STING1: variants seen among roughly 807,000 people sequenced by gnomAD.
STING1 encodes the protein stimulator of interferon genes protein.
A neutral mutation model predicts 31.6 loss-of-function variants in STING1; 19 were observed. The ratio of observed to expected loss-of-function variants is 0.60; its 90% CI spans 0.42 to 0.88. The LOEUF (loss-of-function observed/expected upper bound fraction) is 0.88, where lower values mean the gene tolerates loss of function less well. STING1 is among the 40% of genes least tolerant of loss of function. The pLI, the probability that STING1 is intolerant of heterozygous loss-of-function variation, is 0.00. For missense variants in STING1, 371 were observed against 483.7 expected (o/e 0.77, Z 2.19); for synonymous variants, 200 against 208.6 (o/e 0.96, Z 0.35).
At chr5:139,476,778 G>A (rs951616245) in intron 7 of STING1, among the ~76,000 whole-genome samples, 5 of 151,856 alleles carry the variant, frequency 3.3e-5, no homozygotes, top group South Asian at 2.1e-4. Flanking sequence ...GGTGGCGGGC[G>A]CCTGTAGTCC....
chr5:139,481,053 G>C lies in STING1; in HGVS notation c.411+106C>G. 1 of 1,281,590 alleles carries C rather than the reference G, an allele frequency of 7.8e-7. No homozygotes were observed. The highest frequency in any genetic ancestry group is 1.1e-6 in the Non-Finnish European group (1 of 886,050). 79.4% of individuals were successfully genotyped at this position (1,281,590 alleles called of 1,614,324 possible). A position where few individuals can be genotyped will look rare whatever the true frequency, so the allele number is the denominator to read the frequency against. On this transcript the variant is annotated intron_variant, in intron 4 of 7. Coordinates refer to ENST00000330794, the MANE Select transcript of STING1 (RefSeq NM_198282.4). This position sits in a 1 kb window ranked among gnomAD's most constrained non-coding sequence, Gnocchi z 4.1. ...AGGACATTATAGGTTCTACTCCATG[G>C]ACTCCAGCCTTTAAACCAGTCCCAC... is the stretch of plus-strand genomic sequence containing the variant.
In STING1 at chr5:139,477,321, C is replaced by T; in HGVS notation, c.946+8G>A. ...GCCTATCAACCCCTCACCCTACCAACCCCTCACCCTGGTAGGCAATGAGGC... is the reference window on the plus strand; with the variant it reads ...GCCTATCAACCCCTCACCCTACCAATCCCTCACCCTGGTAGGCAATGAGGC... On this transcript the variant is annotated splice_region_variant and intron_variant, in intron 7 of 7. Transcript: ENST00000330794. 1 of 1,612,898 alleles carries T rather than the reference C, an allele frequency of 6.2e-7. No homozygotes were observed. The highest frequency in any genetic ancestry group is 8.5e-7 in the Non-Finnish European group (1 of 1,179,640).
Position 139,481,166 on chromosome 5 carries a change from C to T in STING1, c.404G>A (p.Gly135Asp). The T allele has an allele frequency of 6.2e-7, 1 of 1,614,184 alleles. No homozygotes were observed. Among genetic ancestry groups the T allele is most frequent in the Non-Finnish European group, 8.5e-7 (1 of 1,180,018 alleles). Reference sequence around the variant, plus strand: ...CCTCCCCCTGTGTCATACCTTGAGGCCCAGGAGGATGTTCAGTGCCTGCGA... The same window carrying T: ...CCTCCCCCTGTGTCATACCTTGAGGTCCAGGAGGATGTTCAGTGCCTGCGA... Reference protein sequence around the residue: ...GLSQALNILLGLKGLAPAEIS... With the variant: ...GLSQALNILLDLKGLAPAEIS... Residue 135 changes from glycine to aspartate, a missense_variant, in exon 4 of 8, where the codon GGC becomes GAC. Physicochemically the swap from Gly to Asp is moderately conservative, Grantham distance 94. Transcript: ENST00000330794. The surrounding 1 kb of genome is among the most constrained non-coding windows in gnomAD (Gnocchi z 4.1).
intron 6 of STING1, among the ~76,000 whole-genome samples, chr5:139,477,790 TGTC>T (rs1394461761): frequency 6.6e-6 from 1 of 152,198 alleles, no homozygotes; most frequent in Admixed American, 6.5e-5. Flanking sequence ...GACCCGAGGC[TGTC>T]AACTGCTCCA....
At position 139,477,392 on chromosome 5, in the gene STING1, G is replaced by T; in HGVS notation, c.883C>A (p.Leu295Ile). The T allele has an allele frequency of 6.2e-7, 1 of 1,614,234 alleles. No homozygotes were observed. The highest frequency in any genetic ancestry group is 8.5e-7 in the Non-Finnish European group (1 of 1,180,042). Residue 295 changes from leucine to isoleucine, a missense_variant, in exon 7 of 8, where the codon CTT becomes ATT. By Grantham distance (5) the Leu-to-Ile change is conservative. Transcript: ENST00000330794. ...GGGGCATCTGCCAGGATGTCCTCAA[G>T]TGTCCGGCAGAAGAGTTTGGCCTGC... ...LEQAKLFCRT[L>I]EDILADAPES...
At chr5:139,477,111 GCC>G (rs1751685243) in intron 7 of STING1, among the ~76,000 whole-genome samples, 1 of 152,042 alleles carries the variant, frequency 6.6e-6, no homozygotes, top group Admixed American at 6.6e-5. Context: ...GAAGTGAGAG[GCC>G]CCTAGAACCC....
rs372800554 is a variant in STING1 at position 139,481,748 on chromosome 5, C to T, written c.1-44G>A. 1.5e-5 allele frequency: 22 copies of T among 1,498,268 alleles called. No individual in the cohort carries two copies. Among genetic ancestry groups the T allele is most frequent in the East Asian group, 2.4e-5 (1 of 42,258 alleles). 92.8% of individuals were successfully genotyped at this position (1,498,268 alleles called of 1,614,324 possible). ...CCATGACCATTCTCCCCTTGCCCTCCTGCCCTTCTGGGACTGAGGCTCTGG... is the reference window on the plus strand; with the variant it reads ...CCATGACCATTCTCCCCTTGCCCTCTTGCCCTTCTGGGACTGAGGCTCTGG... On this transcript the variant is annotated intron_variant, in intron 2 of 7. Transcript: ENST00000330794. The surrounding 1 kb of genome is among the most constrained non-coding windows in gnomAD (Gnocchi z 4.1).
At chr5:139,476,566 C>T (rs1047324237) in intron 7 of STING1, 112 bp from the exon 8 acceptor site, 2 of 943,990 alleles carry the variant, frequency 2.1e-6, no homozygotes, top group Admixed American at 2.6e-5. Flanking sequence ...CCCCTTCCTA[C>T]CCAAGCCCCA....
intron 5 of STING1, chr5:139,479,044 C>T (rs1751750410): frequency 6.5e-6 from 1 of 153,746 alleles, no homozygotes; most frequent in African/African-American, 2.4e-5. Context: ...GCCTGGGCAA[C>T]ATGGTGAAAC....
rs185552744 is a variant in STING1 at position 139,476,540 on chromosome 5, C to T, written c.947-86G>A. 4.1e-3 allele frequency: 4,937 copies of T among 1,202,896 alleles called. 298 individuals are homozygous for T. The Admixed American group carries it at 0.099, about 24-fold the overall frequency. The allele number at this position is 1,202,896 out of a possible 1,614,324, so 74.5% of individuals were successfully genotyped here. A position where few individuals can be genotyped will look rare whatever the true frequency, so the allele number is the denominator to read the frequency against. ...CCTAGAGAACTTGCTGGGAAGATCC[C>T]CTAACCCTCCCTACCCCCCTTCCTA... On this transcript the variant is annotated intron_variant, in intron 7 of 7. Transcript: ENST00000330794.
At position 139,476,145 on chromosome 5, in the gene STING1, C is replaced by T. The variant is rs1443655442; in HGVS notation, c.*116G>A. On this transcript the variant is annotated 3_prime_UTR_variant, in exon 8 of 8. Transcript: ENST00000330794. Reference sequence around the variant, plus strand: ...TTAAGATGTCAAGTCCTGGACCCTTCCCTGCAAGGCCCCCTGTGGAAGGAA... The same window carrying T: ...TTAAGATGTCAAGTCCTGGACCCTTTCCTGCAAGGCCCCCTGTGGAAGGAA... 3 of 811,458 alleles carry T rather than the reference C, an allele frequency of 3.7e-6. No homozygotes were observed. The East Asian group carries it at 8.0e-5, about 22-fold the overall frequency. The allele number at this position is 811,458 out of a possible 1,614,324, so 50.3% of individuals were successfully genotyped here.
In STING1 at chr5:139,477,512, C is replaced by T. The variant is rs368419459; in HGVS notation, c.763G>A (p.Gly255Ser). ...GTGGCGTACTCCAGGACACAGGTGC[C>T]CGCCTAGAGGAGGTAAGAGGAAGAC... The part of the protein sequence containing the change: ...YELLENGQRA[G>S]TCVLEYATPL... Residue 255 changes from glycine to serine, a missense_variant, in exon 7 of 8, where the codon GGC (glycine) becomes AGC (serine). Transcript: ENST00000330794. The T allele has an allele frequency of 7.0e-5, 113 of 1,613,410 alleles. No individual in the cohort carries two copies. In the East Asian group the frequency reaches 2.4e-3, roughly 34 times the overall value.
At chr5:139,482,476 G>C (rs1372156978) in intron 1 of STING1, 74 bp downstream of exon 1, 5 of 152,124 alleles carry the variant, frequency 3.3e-5, no homozygotes, top group Admixed American at 3.3e-4. Context: ...CTGGGGTCAG[G>C]GGTGAGGTTT....
chr5:139,481,718 G>T lies in STING1; in HGVS notation c.1-14C>A, dbSNP rs1226887026. The T allele has an allele frequency of 1.3e-6, 2 of 1,588,150 alleles. No individual in the cohort carries two copies. Among genetic ancestry groups the T allele is most frequent in the African/African-American group, 2.7e-5 (2 of 74,424 alleles). ...GGAGTGGGGCATCTGTGGGCACCAA[G>T]AAATCCATGACCATTCTCCCCTTGC... On this transcript the variant is annotated splice_polypyrimidine_tract_variant and intron_variant, in intron 2 of 7. Transcript: ENST00000330794. The surrounding 1 kb of genome is among the most constrained non-coding windows in gnomAD (Gnocchi z 4.1).
chr5:139,476,379 A>T lies in STING1; in HGVS notation c.1022T>A (p.Val341Asp). The change falls in exon 8 of 8, where the codon GTT becomes GAT. Residue 341 changes from valine to aspartate, a missense_variant. Physicochemically the swap from Val to Asp is radical, Grantham distance 152 (BLOSUM62 -3). Transcript: ENST00000330794. ...RHLRQEEKEE[V>D]TVGSLKTSAV... is the part of the protein sequence containing the mutation. ...TGAGGTCTTCAAGCTGCCCACAGTA[A>T]CCTCTTCCTTTTCCTCCTGCCGCAG... The T allele has an allele frequency of 6.2e-7, 1 of 1,612,524 alleles. No homozygotes were observed. The highest frequency in any genetic ancestry group is 8.5e-7 in the Non-Finnish European group (1 of 1,179,966).
In STING1 at chr5:139,478,291, C is replaced by T; in HGVS notation, c.738G>A (p.Glu246=). The change falls in exon 6 of 8, where the codon GAG becomes GAA. Residue 246 remains glutamate (E), a synonymous_variant. Coordinates refer to ENST00000330794, the MANE Select transcript of STING1 (RefSeq NM_198282.4). The part of the protein sequence containing the change: ...KDRVYSNSIY[E]LLENGQRAGT... ...TTACCCGCTGCCCGTTCTCCAGAAG[C>T]TCATAGATGCTGTTGCTGTAAACCC... is the stretch of plus-strand genomic sequence containing the variant. The T allele has an allele frequency of 6.2e-7, 1 of 1,613,908 alleles. No homozygotes were observed.
chr5:139,476,107 G>T lies in STING1; in HGVS notation c.*154C>A. The T allele has an allele frequency of 1.6e-6, 1 of 614,492 alleles. No homozygotes were observed. The highest frequency in any genetic ancestry group is 2.9e-6 in the Non-Finnish European group (1 of 348,614). 38.1% of individuals were successfully genotyped at this position (614,492 alleles called of 1,614,324 possible). A position where few individuals can be genotyped will look rare whatever the true frequency, so the allele number is the denominator to read the frequency against. ...AGAGGGGAAATGACTGGCCCAAGGG[G>T]ACAAGACGCATCTTAAGATGTCAAG... On this transcript the variant is annotated 3_prime_UTR_variant, in exon 8 of 8. Transcript: ENST00000330794.
chr5:139,478,570 T>A, intron 5 of STING1, 62 bp from the exon 6 acceptor site: 1 of 1,449,398 alleles, frequency 6.9e-7, no homozygotes, highest in Non-Finnish European at 9.6e-7. Flanking sequence ...GATTCAGGAG[T>A]GAGACCCAGG....
intron 6 of STING1, 37 bp downstream of exon 6, chr5:139,478,233 C>A (rs781142772): frequency 6.6e-7 from 1 of 1,514,148 alleles, no homozygotes; most frequent in East Asian, 2.3e-5. Flanking sequence ...GGGGTCCTGA[C>A]CCCTCCTCAG....
Sources: allele counts gnomAD v4.1 joint callset (sites outside exome capture counted in the v4.1 genomes callset), GRCh38; gene constraint gnomAD v4.1.1; non-coding constraint Gnocchi (gnomAD v3.1); transcripts MANE v1.5; gene names NCBI Gene and HGNC (gene_info 2026-07-23, HGNC 2026-07-21).